PDGFRL: variants seen among roughly 807,000 people sequenced by gnomAD.
PDGFRL encodes the protein platelet derived growth factor receptor like, also known as platelet-derived growth factor receptor-like protein.
PDGFRL carries 46 observed loss-of-function variants against 37.2 expected under a neutral mutation model. The observed-to-expected ratio is 1.24, with a 90% CI of 0.98 to 1.58. The LOEUF (loss-of-function observed/expected upper bound fraction) is 1.58, where lower values mean the gene tolerates loss of function less well. Among genes scored for constraint, PDGFRL ranks in the 40% most tolerant of loss-of-function variants. The probability of loss-of-function intolerance (pLI) is 0.00; values close to 1 mark genes in which losing one functional copy is unlikely to be tolerated. For synonymous variants in PDGFRL, 251 were observed against 184.3 expected (o/e 1.36, Z -2.93); for missense variants, 692 against 467.6 (o/e 1.48, Z -4.43).
intron 1 of PDGFRL, among the ~76,000 whole-genome samples, chr8:17,583,215 G>C (rs76278703): frequency 6.6e-6 from 1 of 152,128 alleles, no homozygotes; most frequent in African/African-American, 2.4e-5. Context: ...AACTAACACA[G>C]AGAGTCCCTA....
At position 17,642,770 on chromosome 8, in the gene PDGFRL, C is replaced by A; in HGVS notation, c.1097C>A (p.Thr366Asn). ...ICTAQNLQGQ[T>N]TVATTVEFS ...ACTGCTCAGAATCTTCAAGGACAGA[C>A]CACAGTAGCTACCACTGTTGAGTTT... Residue 366 changes from threonine (T) to asparagine (N), a missense_variant, in exon 6 of 6, where the codon ACC becomes AAC. By Grantham distance (65) the Thr-to-Asn change is moderately conservative. Coordinates refer to ENST00000251630, the MANE Select transcript of PDGFRL (RefSeq NM_001372073.1). The A allele has an allele frequency of 6.2e-7, 1 of 1,609,804 alleles. No individual in the cohort carries two copies. The highest frequency in any genetic ancestry group is 8.5e-7 in the Non-Finnish European group (1 of 1,176,258).
intron 2 of PDGFRL, among the ~76,000 whole-genome samples, chr8:17,618,975 T>C (rs1302176386): frequency 6.6e-6 from 1 of 152,168 alleles, no homozygotes; most frequent in Non-Finnish European, 1.5e-5. Flanking sequence ...AGGCAGTTGA[T>C]GGCGTGGGAG....
intron 4 of PDGFRL, 57 bp downstream of exon 4, chr8:17,628,837 C>G: frequency 8.8e-7 from 1 of 1,135,990 alleles, no homozygotes; most frequent in Non-Finnish European, 1.3e-6. Flanking sequence ...GTTTCAGGTA[C>G]TGCTGTTCCC....
intron 2 of PDGFRL, among the ~76,000 whole-genome samples, chr8:17,592,428 C>CA: frequency 6.6e-6 from 1 of 152,282 alleles, no homozygotes; most frequent in African/African-American, 2.4e-5. Flanking sequence ...ACTTAAAAGT[C>CA]AGAGTTCAGC....
intron 2 of PDGFRL, among the ~76,000 whole-genome samples, chr8:17,619,700 T>C (rs1249067200): frequency 5.9e-5 from 9 of 152,356 alleles, no homozygotes; most frequent in South Asian, 2.1e-4. Flanking sequence ...ATTTTGGATA[T>C]TGCATAATGC....
chr8:17,608,457 C>T (rs1350142446), intron 2 of PDGFRL, among the ~76,000 whole-genome samples: 3 of 152,108 alleles, frequency 2.0e-5, no homozygotes, highest in African/African-American at 2.4e-5. Context: ...CCAGGTGGCT[C>T]GTGCATTGGC....
At chr8:17,634,844 T>C (rs1022081562) in intron 5 of PDGFRL, among the ~76,000 whole-genome samples, 1 of 152,092 alleles carries the variant, frequency 6.6e-6, no homozygotes, top group African/African-American at 2.4e-5. Flanking sequence ...AGGGAGAAGA[T>C]CGGGCAAAAT....
At chr8:17,595,456 G>A (rs148715866) in intron 2 of PDGFRL, among the ~76,000 whole-genome samples, 1 of 152,158 alleles carries the variant, frequency 6.6e-6, no homozygotes, top group African/African-American at 2.4e-5. Flanking sequence ...TTTGGATCCC[G>A]TAGGATCTCT....
upstream of PDGFRL, chr8:17,577,182 C>A (rs1803602434): frequency 6.4e-7 from 1 of 1,563,504 alleles, no homozygotes; most frequent in South Asian, 1.2e-5. Context: ...GCCCCTCGCC[C>A]GCCGCCTCCC....
chr8:17,578,619 G>C (rs1389103870), intron 1 of PDGFRL, among the ~76,000 whole-genome samples: 1 of 152,146 alleles, frequency 6.6e-6, no homozygotes, highest in African/African-American at 2.4e-5. Context: ...TTTTGAATAG[G>C]GCAGGAGATG....
At chr8:17,634,245 G>A (rs373294650) in intron 5 of PDGFRL, 32 bp downstream of exon 5, 100 of 1,559,676 alleles carry the variant, frequency 6.4e-5, no homozygotes, top group African/African-American at 1.5e-4. Context: ...CAGCCCCTGC[G>A]TCTCAGCCTC....
chr8:17,618,442 T>G (rs1804571140), intron 2 of PDGFRL, among the ~76,000 whole-genome samples: 1 of 152,244 alleles, frequency 6.6e-6, no homozygotes, highest in South Asian at 2.1e-4. Context: ...TCTTCATGAT[T>G]ACTACTATTC....
chr8:17,596,795 C>A lies in PDGFRL; in HGVS notation c.353+7030C>A, dbSNP rs1486807047. Among the ~76,000 whole-genome samples the A allele has an allele frequency of 2.6e-5, 4 of 152,204 alleles. No individual in the cohort carries two copies. The East Asian group carries it at 7.7e-4, about 29-fold the overall frequency. ...GAAAAACATCTAGTCATAGCTATAT[C>A]AACCACAGATGTGCTATTTGCCCTC... On this transcript the variant is annotated intron_variant, in intron 2 of 5. Transcript: ENST00000251630.
chr8:17,600,364 T>C (rs979844711), intron 2 of PDGFRL, among the ~76,000 whole-genome samples: 1 of 152,162 alleles, frequency 6.6e-6, no homozygotes, highest in African/African-American at 2.4e-5. Flanking sequence ...CTCTGAATCC[T>C]CCACTCTTCC....
rs114383080 is a variant in PDGFRL at position 17,596,168 on chromosome 8, G to A, written c.353+6403G>A. On this transcript the variant is annotated intron_variant, in intron 2 of 5. Coordinates refer to ENST00000251630, the MANE Select transcript of PDGFRL (RefSeq NM_001372073.1). ...CCATCCCAGTTTGTGAGAAGTGGCCGGAGGCAGTTAGGAGCCCACATTCAA... is the reference window on the plus strand; with the variant it reads ...CCATCCCAGTTTGTGAGAAGTGGCCAGAGGCAGTTAGGAGCCCACATTCAA... The A allele has an allele frequency of 2.4e-3, 967 of 402,302 alleles. 2 individuals are homozygous for A. The highest frequency in any genetic ancestry group is 9.7e-3 in the African/African-American group (475 of 48,788). 24.9% of individuals were successfully genotyped at this position (402,302 alleles called of 1,614,324 possible). A position where few individuals can be genotyped will look rare whatever the true frequency, so the allele number is the denominator to read the frequency against.
intron 5 of PDGFRL, among the ~76,000 whole-genome samples, chr8:17,636,489 T>C (rs554627695): frequency 1.3e-5 from 2 of 152,316 alleles, no homozygotes; most frequent in South Asian, 4.1e-4. Context: ...TTTATACCAG[T>C]ACCATGCTGT....
intron 2 of PDGFRL, among the ~76,000 whole-genome samples, chr8:17,599,544 T>C (rs1409683699): frequency 1.3e-5 from 2 of 152,214 alleles, no homozygotes; most frequent in Admixed American, 1.3e-4. Context: ...TAAATGACCC[T>C]GTTCATCTAC....
At chr8:17,586,652 CA>C (rs1156665765) in intron 1 of PDGFRL, among the ~76,000 whole-genome samples, 9 of 149,694 alleles carry the variant, frequency 6.0e-5, no homozygotes, top group Non-Finnish European at 1.2e-4. Context: ...CATAAAAAAA[CA>C]AATAGCACTT....
chr8:17,577,518 G>T (rs907362960), intron 1 of PDGFRL, among the ~76,000 whole-genome samples: 3 of 151,902 alleles, frequency 2.0e-5, no homozygotes, highest in Non-Finnish European at 4.4e-5. Flanking sequence ...CTCTAGGGGT[G>T]GTGGCAGCTA....
Sources: gnomAD v4.1 joint callset for allele counts (sites outside exome capture counted in the v4.1 genomes callset) on GRCh38, gnomAD v4.1.1 for gene constraint, MANE v1.5 for transcripts, NCBI Gene and HGNC (gene_info 2026-07-23, HGNC 2026-07-21) for gene names.